The following GSK3B variants were observed in gnomAD, a reference collection of about 807,000 sequenced individuals.
GSK3B encodes glycogen synthase kinase-3 beta.
Under a neutral mutation model 56.4 loss-of-function variants are expected in GSK3B, and 15 were observed. That is an observed-to-expected ratio of 0.27 (90% CI 0.18 to 0.41). GSK3B has a LOEUF of 0.41. GSK3B is among the 10% of genes least tolerant of loss of function. GSK3B has a pLI of 1.00. For synonymous variants in GSK3B, 181 were observed against 188.9 expected, an observed-to-expected ratio of 0.96 and a Z score of 0.34; for missense variants, 300 against 513.4, an observed-to-expected ratio of 0.58 and a Z score of 4.02.
chr3:119,970,681 G>A (rs1474312976), intron 2 of GSK3B, among the ~76,000 whole-genome samples: 1 of 151,678 alleles, frequency 6.6e-6, no homozygotes, highest in Admixed American at 6.6e-5. Flanking sequence ...CAGCTACTCA[G>A]GAGGCTGAGG....
chr3:119,868,254 G>C (rs372429760), intron 8 of GSK3B, among the ~76,000 whole-genome samples: 28 of 152,088 alleles, frequency 1.8e-4, no homozygotes, highest in African/African-American at 6.7e-4. Context: ...TTCTTAAATT[G>C]AAACAAATAT....
chr3:119,953,548 CAG>C (rs986745678), intron 2 of GSK3B, among the ~76,000 whole-genome samples: 2 of 152,246 alleles, frequency 1.3e-5, no homozygotes, highest in African/African-American at 2.4e-5. Context: ...CAGAGACAGA[CAG>C]AGAGAGAGAC....
intron 1 of GSK3B, among the ~76,000 whole-genome samples, chr3:120,081,898 A>G (rs1181203836): frequency 1.3e-5 from 2 of 152,202 alleles, no homozygotes; most frequent in South Asian, 2.1e-4. Flanking sequence ...ATGCCTTGAG[A>G]TAAGCATGAA....
At chr3:120,075,061 T>A (rs545835865) in intron 1 of GSK3B, among the ~76,000 whole-genome samples, 32 of 152,322 alleles carry the variant, frequency 2.1e-4, no homozygotes, top group African/African-American at 7.2e-4. Flanking sequence ...AAGTGGGATT[T>A]ATATGGGCAT....
chr3:119,982,646 G>A (rs1013083193), intron 2 of GSK3B, among the ~76,000 whole-genome samples: 2 of 152,078 alleles, frequency 1.3e-5, no homozygotes, highest in African/African-American at 2.4e-5. Flanking sequence ...GAAATAAAGC[G>A]AGAAGGTTAG....
intron 1 of GSK3B, among the ~76,000 whole-genome samples, chr3:120,021,157 GC>G (rs1236995836): frequency 3.3e-5 from 5 of 152,086 alleles, no homozygotes. Context: ...AGAAGATTTA[GC>G]TAAGACCACT....
chr3:120,084,842 A>T (rs2058450362), intron 1 of GSK3B, among the ~76,000 whole-genome samples: 1 of 152,230 alleles, frequency 6.6e-6, no homozygotes, highest in African/African-American at 2.4e-5. Flanking sequence ...TTAGAGAAAT[A>T]AGTATTTACT....
chr3:119,994,394 T>C (rs942896839), intron 2 of GSK3B, among the ~76,000 whole-genome samples: 3 of 152,278 alleles, frequency 2.0e-5, no homozygotes, highest in East Asian at 1.9e-4. Context: ...ATTATAATAA[T>C]TGATTCTAAC....
chr3:120,026,816 C>T (rs1306682558), intron 1 of GSK3B, among the ~76,000 whole-genome samples: 2 of 151,938 alleles, frequency 1.3e-5, no homozygotes, highest in African/African-American at 4.8e-5. Flanking sequence ...CCTCGGCCTC[C>T]TAAAGTGCTA....
chr3:120,066,389 G>A (rs2058278843), intron 1 of GSK3B, among the ~76,000 whole-genome samples: 1 of 152,074 alleles, frequency 6.6e-6, no homozygotes, highest in South Asian at 2.1e-4. Flanking sequence ...AAGATAAAAA[G>A]AGCCAACATG....
At position 119,985,174 on chromosome 3, in the gene GSK3B, T is replaced by C. The variant is rs146096312; in HGVS notation, c.282+16872A>G. Among the ~76,000 whole-genome samples the C allele has an allele frequency of 2.4e-4, 36 of 152,306 alleles. No homozygotes were observed. In the East Asian group the frequency reaches 4.1e-3, roughly 17 times the overall value. ...GCTAAAATTCTCAATAAACGAGGTA[T>C]TGATGGAACGTATCTCAAAATAAGA... is the stretch of plus-strand genomic sequence containing the variant. On this transcript the variant is annotated intron_variant, in intron 2 of 10. Transcript: ENST00000264235.
At chr3:120,011,269 G>A (rs1247666828) in intron 1 of GSK3B, among the ~76,000 whole-genome samples, 1 of 152,128 alleles carries the variant, frequency 6.6e-6, no homozygotes, top group Non-Finnish European at 1.5e-5. Flanking sequence ...TTGTGATGAC[G>A]TTCCCTATTT....
At chr3:120,051,127 C>CT (rs72305100) in intron 1 of GSK3B, among the ~76,000 whole-genome samples, 399 of 138,702 alleles carry the variant, frequency 2.9e-3, no homozygotes, top group Middle Eastern at 0.011. Flanking sequence ...CTATCAATTT[C>CT]TTTTTTTTTT....
intron 9 of GSK3B, among the ~76,000 whole-genome samples, chr3:119,852,249 T>C (rs959684825): frequency 1.3e-5 from 2 of 152,264 alleles, no homozygotes; most frequent in Admixed American, 6.5e-5. Context: ...AATGCTTTTA[T>C]TGAACTACAT....
At chr3:119,952,934 T>C (rs1465796091) in intron 2 of GSK3B, among the ~76,000 whole-genome samples, 1 of 152,064 alleles carries the variant, frequency 6.6e-6, no homozygotes, top group Non-Finnish European at 1.5e-5. Context: ...ATATTAAATA[T>C]AAATGAGAAA....
chr3:120,006,053 A>C (rs567725241), intron 1 of GSK3B, among the ~76,000 whole-genome samples: 1 of 152,322 alleles, frequency 6.6e-6, no homozygotes, highest in South Asian at 2.1e-4. Context: ...AAAGACACAC[A>C]TAGGCTCAAA....
At chr3:119,980,821 T>C (rs778955992) in intron 2 of GSK3B, among the ~76,000 whole-genome samples, 25 of 152,172 alleles carry the variant, frequency 1.6e-4, no homozygotes, top group Admixed American at 3.3e-4. Context: ...ATCTGTGACA[T>C]TAAAGAAAGG....
intron 10 of GSK3B, among the ~76,000 whole-genome samples, chr3:119,828,345 T>TCGA (rs2107994747): frequency 6.6e-6 from 1 of 152,316 alleles, no homozygotes; most frequent in South Asian, 2.1e-4. Context: ...TCAAGTTGCA[T>TCGA]CCTTGTCATC....
At chr3:120,080,272 C>T in intron 1 of GSK3B, among the ~76,000 whole-genome samples, 1 of 150,822 alleles carries the variant, frequency 6.6e-6, no homozygotes, top group East Asian at 2.0e-4. Context: ...ATCTGATAAA[C>T]AGAGCAAGAT....
Sources: allele counts gnomAD v4.1 joint callset (sites outside exome capture counted in the v4.1 genomes callset), GRCh38; gene constraint gnomAD v4.1.1; transcripts MANE v1.5; gene names NCBI Gene and HGNC (gene_info 2026-07-23, HGNC 2026-07-21).